The following RBMS3 variants were observed in gnomAD, a reference collection of about 807,000 sequenced individuals.
The protein encoded by RBMS3 is RNA binding motif single stranded interacting protein 3.
In RBMS3, 27 loss-of-function variants were observed where a neutral mutation model predicts 66.8. The ratio of observed to expected loss-of-function variants is 0.40; its 90% confidence interval spans 0.30 to 0.56. The LOEUF is 0.56. RBMS3 is among the 20% of genes least tolerant of loss of function. RBMS3 has a pLI of 0.40. For synonymous variants in RBMS3, 188 were observed against 183.0 expected (o/e 1.03, Z -0.22); for missense variants, 513 against 549.5 (o/e 0.93, Z 0.66).
At chr3:29,615,415 T>C (rs1171523206) in intron 4 of RBMS3, among the ~76,000 whole-genome samples, 2 of 151,932 alleles carry the variant, frequency 1.3e-5, no homozygotes, top group African/African-American at 4.8e-5. Context: ...ACCATAGGCA[T>C]TTTTTCCAAA....
chr3:29,714,101 A>G (rs999868288), intron 4 of RBMS3, among the ~76,000 whole-genome samples: 2 of 143,132 alleles, frequency 1.4e-5, no homozygotes, highest in African/African-American at 5.2e-5. Flanking sequence ...ATTTTTAACA[A>G]ATATTTATTG....
chr3:29,659,268 A>G (rs909198783), intron 4 of RBMS3, among the ~76,000 whole-genome samples: 9 of 152,242 alleles, frequency 5.9e-5, no homozygotes, highest in Admixed American at 5.9e-4. Flanking sequence ...TTTTAAATGT[A>G]TAGTTTAGTG....
chr3:29,316,018 T>A lies in RBMS3; in HGVS notation c.75+34262T>A, dbSNP rs544440157. Among the ~76,000 whole-genome samples, 7 of 151,880 alleles carry A rather than the reference T, an allele frequency of 4.6e-5. No individual in the cohort carries two copies. In the East Asian group the frequency reaches 1.4e-3, roughly 30 times the overall value. On this transcript the variant is annotated intron_variant, in intron 1 of 14. Transcript: ENST00000383767. ...ACTGTAAATTTTCCTTCAAATGCTC[T>A]GTTGGCTACCTCTTATTGGTTTTGA...
intron 3 of RBMS3, among the ~76,000 whole-genome samples, chr3:29,561,534 C>T (rs533597667): frequency 2.0e-5 from 3 of 152,158 alleles, no homozygotes; most frequent in Non-Finnish European, 4.4e-5. Context: ...CTCACTGCAA[C>T]CTCTGCCTCA....
At chr3:29,433,808 A>T (rs1327911761) in intron 1 of RBMS3, among the ~76,000 whole-genome samples, 9 of 152,180 alleles carry the variant, frequency 5.9e-5, no homozygotes. Flanking sequence ...GTTTATTGCA[A>T]TTTTCTGGGA....
chr3:29,649,106 C>A (rs2050051442), intron 4 of RBMS3, among the ~76,000 whole-genome samples: 1 of 151,968 alleles, frequency 6.6e-6, no homozygotes, highest in Non-Finnish European at 1.5e-5. Context: ...AGTCTGTTAC[C>A]CCTTCATTCC....
chr3:29,315,614 A>G (rs2034625540), intron 1 of RBMS3, among the ~76,000 whole-genome samples: 1 of 151,734 alleles, frequency 6.6e-6, no homozygotes, highest in Non-Finnish European at 1.5e-5. Context: ...GATCTACATA[A>G]TTGTTTTATC....
intron 5 of RBMS3, among the ~76,000 whole-genome samples, chr3:29,759,820 C>G (rs2055587346): frequency 2.0e-5 from 3 of 152,066 alleles, no homozygotes; most frequent in Non-Finnish European, 4.4e-5. Context: ...ATATTGCCAT[C>G]TTTGCTGGGA....
intron 4 of RBMS3, among the ~76,000 whole-genome samples, chr3:29,636,036 G>T (rs1179757533): frequency 4.1e-5 from 4 of 96,894 alleles, no homozygotes; most frequent in African/African-American, 7.7e-5. Context: ...CTGTCATCAA[G>T]AATGTGTGTG....
intron 10 of RBMS3, among the ~76,000 whole-genome samples, chr3:29,931,270 C>G (rs916835302): frequency 6.6e-6 from 1 of 152,124 alleles, no homozygotes; most frequent in African/African-American, 2.4e-5. Context: ...AATGTCTTCC[C>G]TCTTGAAAGA....
At chr3:29,794,231 T>C (rs1011674823) in intron 6 of RBMS3, among the ~76,000 whole-genome samples, 1 of 152,212 alleles carries the variant, frequency 6.6e-6, no homozygotes, top group Admixed American at 6.5e-5. Flanking sequence ...GCTGATGGAC[T>C]GTTCCTACTG....
chr3:29,686,891 A>C (rs1576524032), intron 4 of RBMS3, among the ~76,000 whole-genome samples: 1 of 152,112 alleles, frequency 6.6e-6, no homozygotes, highest in African/African-American at 2.4e-5. Context: ...GTCAGAAATA[A>C]AGTCATTATT....
At chr3:29,447,368 G>A (rs1040467975) in intron 2 of RBMS3, among the ~76,000 whole-genome samples, 1 of 151,960 alleles carries the variant, frequency 6.6e-6, no homozygotes. Flanking sequence ...CTTAGTTTAG[G>A]TTGACTTGTT....
intron 3 of RBMS3, among the ~76,000 whole-genome samples, chr3:29,568,524 G>A (rs2046821579): frequency 6.6e-6 from 1 of 152,190 alleles, no homozygotes; most frequent in South Asian, 2.1e-4. Flanking sequence ...TTGGCATTAG[G>A]CCAGGTGCTT....
At chr3:29,346,137 A>G (rs549377012) in intron 1 of RBMS3, among the ~76,000 whole-genome samples, 1 of 152,294 alleles carries the variant, frequency 6.6e-6, no homozygotes, top group Non-Finnish European at 1.5e-5. Context: ...GTTGGCCCAT[A>G]TTGACATAAG....
chr3:29,376,590 G>A (rs2038481841), intron 1 of RBMS3, among the ~76,000 whole-genome samples: 2 of 151,954 alleles, frequency 1.3e-5, no homozygotes, highest in Non-Finnish European at 2.9e-5. Context: ...GACCAACATG[G>A]TGAAACTTCG....
intron 2 of RBMS3, among the ~76,000 whole-genome samples, chr3:29,435,930 C>G (rs1422304682): frequency 2.0e-5 from 3 of 151,140 alleles, no homozygotes; most frequent in African/African-American, 7.3e-5. Context: ...GCCGAGATCA[C>G]GCCACTGCAC....
intron 4 of RBMS3, among the ~76,000 whole-genome samples, chr3:29,687,948 T>A (rs1301000928): frequency 6.6e-6 from 1 of 152,182 alleles, no homozygotes; most frequent in African/African-American, 2.4e-5. Flanking sequence ...GATATTTTGA[T>A]ATGTCTTGCC....
chr3:29,584,309 T>G (rs1259895624), intron 3 of RBMS3, among the ~76,000 whole-genome samples: 2 of 152,164 alleles, frequency 1.3e-5, no homozygotes, highest in Non-Finnish European at 2.9e-5. Context: ...CTTTGCAGTC[T>G]TTTCTTCTTA....
Sources: allele counts gnomAD v4.1 joint callset (sites outside exome capture counted in the v4.1 genomes callset), GRCh38; gene constraint gnomAD v4.1.1; transcripts MANE v1.5; gene names NCBI Gene and HGNC (gene_info 2026-07-23, HGNC 2026-07-21).